The following UVRAG variants were observed in gnomAD, a reference collection of about 807,000 sequenced individuals.
The protein encoded by UVRAG is UV radiation resistance associated.
UVRAG carries 19 observed loss-of-function variants against 78.0 expected under a neutral mutation model. The observed-to-expected ratio is 0.24, with a 90% CI of 0.17 to 0.36. UVRAG has a LOEUF of 0.36. Ranked by LOEUF, UVRAG falls within the 10% of genes least tolerant of loss-of-function variation. The pLI is 1.00. For missense variants in UVRAG, 740 were observed against 853.8 expected (o/e 0.87, Z 1.66); for synonymous variants, 323 against 324.6 (o/e 1.00, Z 0.05).
At chr11:76,048,991 C>T (rs1004597007) in intron 12 of UVRAG, among the ~76,000 whole-genome samples, 17 of 152,342 alleles carry the variant, frequency 1.1e-4, no homozygotes, top group South Asian at 4.1e-4. Context: ...GGGATTGGGG[C>T]GCAAGCGCAC....
Position 76,034,156 on chromosome 11 carries a change from C to G in UVRAG, c.1226+17176C>G, listed in dbSNP as rs323633. Among the ~76,000 whole-genome samples the G allele has an allele frequency of 2.9e-3, 443 of 152,196 alleles. 2 individuals carry two copies. The highest frequency in any genetic ancestry group is 2.4e-3 in the Non-Finnish European group (166 of 68,000). On this transcript the variant is annotated intron_variant, in intron 12 of 14. Transcript: ENST00000356136. ...TTTTAAGAGCCTGTGTCCTCTTGTA[C>G]TATCCCTTTCAGAGCCATTATTTCT...
chr11:75,918,555 A>G (rs1231952809), intron 6 of UVRAG, among the ~76,000 whole-genome samples: 4 of 152,172 alleles, frequency 2.6e-5, no homozygotes, highest in African/African-American at 4.8e-5. Context: ...CCCTACTTGT[A>G]TAATCAATAA....
chr11:76,027,560 C>T (rs542333880), intron 12 of UVRAG, among the ~76,000 whole-genome samples: 139 of 150,804 alleles, frequency 9.2e-4, no homozygotes, highest in African/African-American at 3.1e-3. Context: ...TGGCAATGTT[C>T]TCCTCTCTGA....
chr11:76,042,384 A>G (rs1205356401), intron 12 of UVRAG, among the ~76,000 whole-genome samples: 1 of 152,090 alleles, frequency 6.6e-6, no homozygotes, highest in Non-Finnish European at 1.5e-5. Context: ...ATATTAACCA[A>G]ATTATAAAAG....
chr11:75,881,643 C>T (rs1411938726), intron 4 of UVRAG, among the ~76,000 whole-genome samples: 1 of 152,136 alleles, frequency 6.6e-6, no homozygotes, highest in Non-Finnish European at 1.5e-5. Flanking sequence ...TTGTGAACCC[C>T]TAGGCTCAAG....
At position 76,106,015 on chromosome 11, in the gene UVRAG, A is replaced by T. The variant is rs563901325; in HGVS notation, c.1306-9909A>T. ...AGGTATTGGTCCAAGAGAAACAAAA[A>T]TATAAGTCCAATTAAAAACCTATGT... On this transcript the variant is annotated intron_variant, in intron 13 of 14. Coordinates refer to ENST00000356136, the MANE Select transcript of UVRAG (RefSeq NM_003369.4). Among the ~76,000 whole-genome samples the T allele has an allele frequency of 4.6e-5, 7 of 152,346 alleles. 1 individual carries two copies. In the South Asian group the frequency reaches 1.5e-3, roughly 32 times the overall value.
chr11:76,139,492 T>G (rs1952664752), intron 14 of UVRAG, among the ~76,000 whole-genome samples: 1 of 152,182 alleles, frequency 6.6e-6, no homozygotes, highest in Non-Finnish European at 1.5e-5. Context: ...AGTTTCAAGT[T>G]CTGCCTCTAC....
intron 13 of UVRAG, among the ~76,000 whole-genome samples, chr11:76,086,483 A>G (rs1951591056): frequency 6.6e-6 from 1 of 152,220 alleles, no homozygotes; most frequent in Admixed American, 6.5e-5. Flanking sequence ...TTAATTAGAT[A>G]GAGATTTGGT....
chr11:76,132,444 A>G (rs1388431007), intron 14 of UVRAG, among the ~76,000 whole-genome samples: 2 of 152,198 alleles, frequency 1.3e-5, no homozygotes, highest in African/African-American at 4.8e-5. Flanking sequence ...AGGGAGGGAA[A>G]GACACATATT....
rs1361901949 is a variant in UVRAG, at chr11:76,142,362, CAG to C, written c.*951_*952del. On this transcript the variant is annotated 3_prime_UTR_variant, in exon 15 of 15. Coordinates refer to ENST00000356136, the MANE Select transcript of UVRAG (RefSeq NM_003369.4). ...AGTCAGAAGGTCAGCATTTACATGA[CAG>C]AATGTATGTAGAGAGTTGGGGTGTC... is the stretch of plus-strand genomic sequence containing the variant. 2.0e-5 allele frequency: 3 copies of C among 152,262 alleles called. No homozygotes were observed. The highest frequency in any genetic ancestry group is 4.4e-5 in the Non-Finnish European group (3 of 68,034). The allele number at this position is 152,262 out of a possible 1,614,324, so 9.4% of individuals were successfully genotyped here. A position where few individuals can be genotyped will look rare whatever the true frequency, so the allele number is the denominator to read the frequency against.
At chr11:76,108,777 T>C (rs1237470357) in intron 13 of UVRAG, among the ~76,000 whole-genome samples, 1 of 152,182 alleles carries the variant, frequency 6.6e-6, no homozygotes, top group Non-Finnish European at 1.5e-5. Flanking sequence ...TCCTGGGTTT[T>C]TTTAGCGTAA....
At chr11:76,112,904 T>C (rs146007129) in intron 13 of UVRAG, among the ~76,000 whole-genome samples, 18 of 152,194 alleles carry the variant, frequency 1.2e-4, no homozygotes, top group African/African-American at 4.1e-4. Flanking sequence ...TTTTTTGTAC[T>C]TTTGGTAGAG....
intron 12 of UVRAG, 144 bp downstream of exon 12, chr11:76,017,124 T>A: frequency 1.9e-6 from 1 of 540,478 alleles, no homozygotes; most frequent in Non-Finnish European, 2.9e-6. Context: ...AAATCAAATG[T>A]AGTTATTATG....
At chr11:76,057,714 TG>T (rs777595151) in intron 12 of UVRAG, among the ~76,000 whole-genome samples, 6 of 150,542 alleles carry the variant, frequency 4.0e-5, no homozygotes, top group South Asian at 2.2e-4. Flanking sequence ...AAATGCAAGA[TG>T]TTTTTTTTTT....
chr11:76,053,853 C>A (rs1950923782), intron 12 of UVRAG, among the ~76,000 whole-genome samples: 1 of 151,842 alleles, frequency 6.6e-6, no homozygotes, highest in African/African-American at 2.4e-5. Flanking sequence ...GCCTGTAATC[C>A]CTGCTACTCG....
chr11:76,050,378 T>C (rs559460203), intron 12 of UVRAG, among the ~76,000 whole-genome samples: 3 of 152,232 alleles, frequency 2.0e-5, no homozygotes, highest in Non-Finnish European at 2.9e-5. Context: ...CCTTCAGTAT[T>C]TACTTAATAT....
rs1449320737 is a variant in UVRAG at position 76,095,476 on chromosome 11, A to G, written c.1306-20448A>G. Among the ~76,000 whole-genome samples the G allele has an allele frequency of 2.6e-5, 4 of 151,790 alleles. No homozygotes were observed. In the South Asian group the frequency reaches 8.3e-4, roughly 31 times the overall value. The stretch of plus-strand genomic sequence containing the variant: ...AGCATGTTATTAAATTTACATATGT[A>G]AAAAAATTTGTGATATAAATATATG... On this transcript the variant is annotated intron_variant, in intron 13 of 14. Transcript: ENST00000356136.
At chr11:75,844,301 C>T (rs534427960) in intron 1 of UVRAG, among the ~76,000 whole-genome samples, 4 of 151,922 alleles carry the variant, frequency 2.6e-5, no homozygotes, top group Admixed American at 1.3e-4. Context: ...TATCTCGGCT[C>T]ACTGCAAGTT....
chr11:75,903,459 G>A (rs1565372029), intron 5 of UVRAG, among the ~76,000 whole-genome samples: 3 of 152,158 alleles, frequency 2.0e-5, no homozygotes, highest in Non-Finnish European at 4.4e-5. Flanking sequence ...CCACGTCACT[G>A]AAGCTAAACG....
Sources: gnomAD v4.1 joint callset for allele counts (sites outside exome capture counted in the v4.1 genomes callset) on GRCh38, gnomAD v4.1.1 for gene constraint, MANE v1.5 for transcripts, NCBI Gene and HGNC (gene_info 2026-07-23, HGNC 2026-07-21) for gene names.